Variants in PCDHGA1 observed in about 807,000 individuals in gnomAD.
PCDHGA1 encodes protocadherin gamma-A1.
PCDHGA1 carries 32 observed loss-of-function variants against 58.0 expected under a neutral mutation model. The observed-to-expected ratio is 0.55, with a 90% CI of 0.42 to 0.74. The LOEUF is 0.74. Ranked by LOEUF, PCDHGA1 falls within the 30% of genes least tolerant of loss-of-function variation. The probability of loss-of-function intolerance (pLI) is 0.00; values close to 1 mark genes in which losing one functional copy is unlikely to be tolerated. For synonymous variants in PCDHGA1, 498 were observed against 501.1 expected, an observed-to-expected ratio of 0.99 and a Z score of 0.08; for missense variants, 1,205 against 1,182.3, an observed-to-expected ratio of 1.02 and a Z score of -0.28.
rs111280631 is a variant in PCDHGA1 at position 141,342,724 on chromosome 5, A to G, written c.2421+9619A>G. 573 of 152,380 alleles carry G rather than the reference A, an allele frequency of 3.8e-3. 4 individuals carry two copies. Among genetic ancestry groups the G allele is most frequent in the African/African-American group, 0.013 (550 of 41,590 alleles). 9.4% of individuals were successfully genotyped at this position (152,380 alleles called of 1,614,324 possible). A position where few individuals can be genotyped will look rare whatever the true frequency, so the allele number is the denominator to read the frequency against. On this transcript the variant is annotated intron_variant, in intron 1 of 3. Transcript: ENST00000517417. Reference sequence around the variant, plus strand: ...GTGTGTGTAGTAACTCCACAAGAATAAATGTCTTATGCATAGATATGTAAT... The same window carrying G: ...GTGTGTGTAGTAACTCCACAAGAATGAATGTCTTATGCATAGATATGTAAT...
chr5:141,341,663 C>A (rs1757076436), intron 1 of PCDHGA1: 1 of 639,820 alleles, frequency 1.6e-6, no homozygotes, highest in African/African-American at 1.8e-5. Context: ...ACTAGGGTGT[C>A]TGGTTTCTTA....
chr5:141,477,898 AG>A lies in PCDHGA1; in HGVS notation c.2422-16907del. The stretch of plus-strand genomic sequence containing the variant: ...CTGGCCACCTAGTGTCACGGGTGGT[AG>A]GCTGGGACGCGGATGCAGGGCACAA... On this transcript the variant is annotated intron_variant, in intron 1 of 3. Coordinates refer to ENST00000517417, the MANE Select transcript of PCDHGA1 (RefSeq NM_018912.3). The surrounding 1 kb of genome is among the most constrained non-coding windows in gnomAD (Gnocchi z 4.9). The A allele has an allele frequency of 6.2e-7, 1 of 1,614,158 alleles. No individual in the cohort carries two copies. Among genetic ancestry groups the A allele is most frequent in the Non-Finnish European group, 8.5e-7 (1 of 1,180,036 alleles).
intron 1 of PCDHGA1, among the ~76,000 whole-genome samples, chr5:141,455,393 C>G (rs574741955): frequency 6.4e-4 from 97 of 152,150 alleles, no homozygotes; most frequent in African/African-American, 2.2e-3. Flanking sequence ...GAAGGAGCTC[C>G]CCCTTACAGA....
chr5:141,436,638 A>G (rs2097838155), intron 1 of PCDHGA1, among the ~76,000 whole-genome samples: 1 of 152,194 alleles, frequency 6.6e-6, no homozygotes, highest in Non-Finnish European at 1.5e-5. Flanking sequence ...ACATGCAATT[A>G]ATTAACAGTA....
At chr5:141,371,579 T>C in intron 1 of PCDHGA1, 2 of 1,613,852 alleles carry the variant, frequency 1.2e-6, no homozygotes, top group Non-Finnish European at 1.7e-6. Context: ...TTAAAATCGT[T>C]CAAGATACCA....
chr5:141,379,889 C>CTTTTTTTTTTTGTTTT (rs1775949907), intron 1 of PCDHGA1, among the ~76,000 whole-genome samples: 1 of 50,830 alleles, frequency 2.0e-5, no homozygotes, highest in Non-Finnish European at 3.9e-5. Flanking sequence ...GTGAAAGCCT[C>CTTTTTTTTTTTGTTTT]TTTTTTTTTT....
intron 1 of PCDHGA1, among the ~76,000 whole-genome samples, chr5:141,443,376 T>C (rs1365277469): frequency 6.6e-6 from 1 of 151,990 alleles, no homozygotes; most frequent in Admixed American, 6.6e-5. Flanking sequence ...TCTCAGCTAC[T>C]TGGGAGGCTG....
rs747044319 is a variant in PCDHGA1 at position 141,382,892 on chromosome 5, G to C, written c.2421+49787G>C. The C allele has an allele frequency of 3.7e-5, 57 of 1,534,302 alleles. No individual in the cohort carries two copies. In the East Asian group the frequency reaches 9.8e-4, roughly 26 times the overall value. On this transcript the variant is annotated intron_variant, in intron 1 of 3. Coordinates refer to ENST00000517417, the MANE Select transcript of PCDHGA1 (RefSeq NM_018912.3). ...GATCGGCGCCTAAGCAAGAGAAGCA[G>C]GACGACTATGGCGGCTCAGCCGAGG...
chr5:141,370,923 C>T, intron 1 of PCDHGA1: 3 of 1,614,000 alleles, frequency 1.9e-6, no homozygotes, highest in Non-Finnish European at 2.5e-6. Flanking sequence ...CCCTGATCCG[C>T]ACTTCTCTTT....
chr5:141,403,530 AG>A (rs1303990777), intron 1 of PCDHGA1: 2 of 1,613,988 alleles, frequency 1.2e-6, no homozygotes. Context: ...ATAAACCCAG[AG>A]CTGGTGCTGG....
Position 141,490,330 on chromosome 5 carries a change from C to T in PCDHGA1, c.2422-4477C>T, listed in dbSNP as rs2099698666. ...GGCCAACCCTGTCCTAGAGAGCACA[C>T]CAGTGGGCACAGTAGTGGGGTTGTT... is the stretch of plus-strand genomic sequence containing the variant. On this transcript the variant is annotated intron_variant, in intron 1 of 3. Transcript: ENST00000517417. The surrounding 1 kb of genome is among the most constrained non-coding windows in gnomAD (Gnocchi z 5.4). 6.2e-7 allele frequency: 1 copy of T among 1,614,080 alleles called. No individual in the cohort carries two copies. Among genetic ancestry groups the T allele is most frequent in the Non-Finnish European group, 8.5e-7 (1 of 1,180,042 alleles).
At chr5:141,454,313 G>A (rs986902404) in intron 1 of PCDHGA1, among the ~76,000 whole-genome samples, 1 of 152,296 alleles carries the variant, frequency 6.6e-6, no homozygotes, top group Non-Finnish European at 1.5e-5. Context: ...TCAAAGCATT[G>A]AAACCTCCAA....
intron 1 of PCDHGA1, chr5:141,428,805 C>G (rs1468764398): frequency 6.6e-6 from 1 of 152,108 alleles, no homozygotes; most frequent in African/African-American, 2.4e-5. Flanking sequence ...GGGCCAGTAA[C>G]TTCATTATTA....
Position 141,489,492 on chromosome 5 carries a change from G to C in PCDHGA1, c.2422-5315G>C. On this transcript the variant is annotated intron_variant, in intron 1 of 3. Coordinates refer to ENST00000517417, the MANE Select transcript of PCDHGA1 (RefSeq NM_018912.3). This position sits in a 1 kb window ranked among gnomAD's most constrained non-coding sequence, Gnocchi z 4.5. The stretch of plus-strand genomic sequence containing the variant: ...CCCTGAGCTTGATGAGTGGTGCCCT[G>C]GCAGTGAATCAAAAGATTGACCGAG... The C allele has an allele frequency of 6.2e-7, 1 of 1,614,042 alleles. No homozygotes were observed. The highest frequency in any genetic ancestry group is 8.5e-7 in the Non-Finnish European group (1 of 1,180,034).
chr5:141,422,508 C>T (rs2096653251), intron 1 of PCDHGA1: 1 of 1,613,984 alleles, frequency 6.2e-7, no homozygotes, highest in Non-Finnish European at 8.5e-7. Flanking sequence ...CAGCCACAGA[C>T]CAGGGAAGCC....
intron 1 of PCDHGA1, among the ~76,000 whole-genome samples, chr5:141,386,304 C>T (rs1239396408): frequency 6.6e-6 from 1 of 152,104 alleles, no homozygotes; most frequent in African/African-American, 2.4e-5. Flanking sequence ...TAGTAAAGCT[C>T]AGTATATCAA....
rs2099642802 is a variant in PCDHGA1, at chr5:141,487,311, CTAAG to C, written c.2422-7494_2422-7491del. The C allele has an allele frequency of 1.2e-6, 2 of 1,614,058 alleles. No individual in the cohort carries two copies. On this transcript the variant is annotated intron_variant, in intron 1 of 3. Coordinates refer to ENST00000517417, the MANE Select transcript of PCDHGA1 (RefSeq NM_018912.3). This position sits in a 1 kb window ranked among gnomAD's most constrained non-coding sequence, Gnocchi z 5.0. ...TTTGGCTCATTCGTGGCACTACTCTCTAAGTGTCTTCGTGGGGCAGCCTGTGGAG... is the reference window on the plus strand; with the variant it reads ...TTTGGCTCATTCGTGGCACTACTCTCTGTCTTCGTGGGGCAGCCTGTGGAG...
rs145220635 is a variant in PCDHGA1 at position 141,338,058 on chromosome 5, A to G, written c.2421+4953A>G. On this transcript the variant is annotated intron_variant, in intron 1 of 3. Coordinates refer to ENST00000517417, the MANE Select transcript of PCDHGA1 (RefSeq NM_018912.3). ...TACTTTTTATGATTCAGCTTCAATCATGCCCTCAAAAAGACTTTTCTGACC... is the reference window on the plus strand; with the variant it reads ...TACTTTTTATGATTCAGCTTCAATCGTGCCCTCAAAAAGACTTTTCTGACC... 3.5e-3 allele frequency among the ~76,000 whole-genome samples: 540 copies of G among 152,296 alleles called. 2 individuals are homozygous for G. Among genetic ancestry groups the G allele is most frequent in the African/African-American group, 0.012 (484 of 41,550 alleles).
chr5:141,402,714 T>G (rs1024254405), intron 1 of PCDHGA1, among the ~76,000 whole-genome samples: 2 of 152,220 alleles, frequency 1.3e-5, no homozygotes, highest in African/African-American at 4.8e-5. Flanking sequence ...TAGTAACGGC[T>G]TAGGACTCTG....
Sources: allele counts gnomAD v4.1 joint callset (sites outside exome capture counted in the v4.1 genomes callset), GRCh38; gene constraint gnomAD v4.1.1; non-coding constraint Gnocchi (gnomAD v3.1); transcripts MANE v1.5; gene names NCBI Gene and HGNC (gene_info 2026-07-23, HGNC 2026-07-21).